Variants in DNAH5 observed in about 807,000 individuals in gnomAD.
DNAH5 encodes the protein axonemal beta dynein heavy chain 5.
In DNAH5, 372 loss-of-function variants were observed where a neutral mutation model predicts 518.2. The observed-to-expected ratio is 0.72, with a 90% CI of 0.66 to 0.78. The LOEUF is 0.78. DNAH5 is among the 30% of genes least tolerant of loss of function. The probability of loss-of-function intolerance (pLI) is 0.00; values close to 1 mark genes in which losing one functional copy is unlikely to be tolerated. For missense variants in DNAH5, 5,523 were observed against 5,687.0 expected (o/e 0.97, Z 0.93); for synonymous variants, 2,039 against 2,025.9 (o/e 1.01, Z -0.17).
At chr5:13,763,180 G>T (rs1286129186) in intron 59 of DNAH5, among the ~76,000 whole-genome samples, 3 of 152,096 alleles carry the variant, frequency 2.0e-5, no homozygotes, top group Non-Finnish European at 4.4e-5. Context: ...AAATTATTTA[G>T]GTGATGAACA....
intron 47 of DNAH5, among the ~76,000 whole-genome samples, chr5:13,800,930 TCCTTA>T (rs1200873388): frequency 1.3e-5 from 2 of 152,228 alleles, no homozygotes; most frequent in African/African-American, 4.8e-5. Context: ...CACCTTGTTT[TCCTTA>T]CTTTACTCAT....
At chr5:13,764,099 T>C (rs994347334) in intron 59 of DNAH5, among the ~76,000 whole-genome samples, 6 of 152,108 alleles carry the variant, frequency 3.9e-5, no homozygotes, top group Non-Finnish European at 5.9e-5. Flanking sequence ...ACTTGGGAAA[T>C]AGAGGTGGAC....
In DNAH5 at chr5:13,867,781, T is replaced by C. The variant is rs374327282; in HGVS notation, c.4046A>G (p.Tyr1349Cys). ...LQDCHQFYLD[Y>C]DLNGPMASGL... Reference sequence around the variant, plus strand: ...AGAAAGCCAGAGACATACCAAATCATAGTCCAGATAAAACTGGTGACAATC... The same window carrying C: ...AGAAAGCCAGAGACATACCAAATCACAGTCCAGATAAAACTGGTGACAATC... Residue 1349 changes from tyrosine to cysteine, a missense_variant, in exon 25 of 79, where the codon TAT becomes TGT. By Grantham distance (194) the Tyr-to-Cys change is radical. Transcript: ENST00000265104. 13 of 1,612,932 alleles carry C rather than the reference T, an allele frequency of 8.1e-6. No individual in the cohort carries two copies. Among genetic ancestry groups the C allele is most frequent in the African/African-American group, 5.3e-5 (4 of 74,892 alleles).
chr5:13,701,100 T>C (rs974508187), intron 77 of DNAH5, among the ~76,000 whole-genome samples, 184 bp downstream of exon 77: 1 of 152,072 alleles, frequency 6.6e-6, no homozygotes, highest in African/African-American at 2.4e-5. Context: ...GAAATAAATA[T>C]TTTGAAAGTC....
intron 3 of DNAH5, 37 bp from the exon 4 acceptor site, chr5:13,923,477 T>G (rs1423264299): frequency 2.2e-5 from 36 of 1,612,026 alleles, no homozygotes; most frequent in Non-Finnish European, 3.0e-5. Context: ...CACAAATGCT[T>G]TTTGCAGTCC....
intron 47 of DNAH5, among the ~76,000 whole-genome samples, chr5:13,804,204 G>T (rs1232083098): frequency 1.3e-5 from 2 of 152,166 alleles, no homozygotes; most frequent in Non-Finnish European, 2.9e-5. Context: ...CCAAACTTTT[G>T]ATAGTGGCAA....
intron 53 of DNAH5, among the ~76,000 whole-genome samples, chr5:13,779,877 A>G (rs1754834146): frequency 6.6e-6 from 1 of 152,104 alleles, no homozygotes; most frequent in African/African-American, 2.4e-5. Flanking sequence ...GCTTGCCCAG[A>G]CCCCTGAGAC....
At chr5:13,712,839 T>A (rs1579861226) in intron 75 of DNAH5, among the ~76,000 whole-genome samples, 1 of 152,108 alleles carries the variant, frequency 6.6e-6, no homozygotes, top group African/African-American at 2.4e-5. Flanking sequence ...TTGGCATGGA[T>A]GCAGTGATCA....
intron 75 of DNAH5, among the ~76,000 whole-genome samples, chr5:13,712,385 A>G (rs376339782): frequency 8.2e-4 from 125 of 152,336 alleles, no homozygotes; most frequent in African/African-American, 3.0e-3. Flanking sequence ...TAACATTGGA[A>G]AAACCCTTCT....
chr5:13,878,192 T>A (rs1018850416), intron 21 of DNAH5, among the ~76,000 whole-genome samples: 1 of 152,178 alleles, frequency 6.6e-6, no homozygotes, highest in Non-Finnish European at 1.5e-5. Flanking sequence ...GTTAATGCTA[T>A]GCACTGAGTG....
intron 59 of DNAH5, among the ~76,000 whole-genome samples, chr5:13,764,057 A>G (rs1752158513): frequency 6.6e-6 from 1 of 152,240 alleles, no homozygotes; most frequent in East Asian, 1.9e-4. Flanking sequence ...TGCTGAATTG[A>G]AAACCAAAAG....
At position 13,716,516 on chromosome 5, in the gene DNAH5, T is replaced by C. The variant is rs765649176; in HGVS notation, c.12880A>G (p.Thr4294Ala). Residue 4294 changes from threonine to alanine, a missense_variant, in exon 74 of 79, where the codon ACA becomes GCA. Physicochemically the swap from Thr to Ala is moderately conservative, Grantham distance 58 (BLOSUM62 0). Around this residue, in one of 3 missense-constraint regions of DNAH5, gnomAD observed 387 missense variants for 430.0 expected, o/e 0.90. Coordinates refer to ENST00000265104, the MANE Select transcript of DNAH5 (RefSeq NM_001369.3). ...ATATACTGAAGATAGTTATCCACTG[T>C]GCTGCATTTTGGAATATTGTATCCT... The part of the protein sequence containing the change: ...YQGYNIPKCS[T>A]VDNYLQYIQS... The C allele has an allele frequency of 1.9e-5, 30 of 1,613,740 alleles. No individual in the cohort carries two copies. The highest frequency in any genetic ancestry group is 2.3e-5 in the Non-Finnish European group (27 of 1,179,806).
At chr5:13,863,810 C>A (rs1312530098) in intron 28 of DNAH5, among the ~76,000 whole-genome samples, 1 of 152,212 alleles carries the variant, frequency 6.6e-6, no homozygotes, top group Non-Finnish European at 1.5e-5. Context: ...CCAGCTGGTG[C>A]CCATTGCTCG....
chr5:13,721,233 T>C lies in DNAH5; in HGVS notation c.12046A>G (p.Ile4016Val), dbSNP rs144287016. Residue 4016 changes from isoleucine (I) to valine (V), a missense_variant, in exon 71 of 79, where the codon ATC becomes GTC. Physicochemically the swap from Ile to Val is conservative, Grantham distance 29 (BLOSUM62 3). Transcript: ENST00000265104. ...TATTTTTCTCCCATGGAGTCCACGA[T>C]GTACTTGCGGGCCTGCCAAAAACAG... Reference protein sequence around the residue: ...DRTIAQARKYIVDSMGEKYAE... With the variant: ...DRTIAQARKYVVDSMGEKYAE... 2 of 1,614,028 alleles carry C rather than the reference T, an allele frequency of 1.2e-6. No individual in the cohort carries two copies. The highest frequency in any genetic ancestry group is 1.6e-4 in the Middle Eastern group (1 of 6,084).
intron 3 of DNAH5, among the ~76,000 whole-genome samples, chr5:13,926,560 G>A (rs370313048): frequency 5.3e-5 from 8 of 152,278 alleles, no homozygotes; most frequent in South Asian, 2.1e-4. Flanking sequence ...AGAATATTTC[G>A]CTTTCCATCA....
chr5:13,735,024 T>A, intron 68 of DNAH5, 107 bp downstream of exon 68: 1 of 967,564 alleles, frequency 1.0e-6, no homozygotes, highest in Non-Finnish European at 1.6e-6. Flanking sequence ...AATGCAGTCT[T>A]ACATAATGCA....
chr5:13,905,296 T>C (rs4701999), intron 12 of DNAH5, among the ~76,000 whole-genome samples: 118,522 of 152,112 alleles, frequency 0.78, 46,400 homozygotes, highest in East Asian at 0.96. Context: ...GCCCTGAGGG[T>C]TCTGCTCCCA....
At position 13,810,137 on chromosome 5, in the gene DNAH5, G is replaced by C. The variant is rs564040169; in HGVS notation, c.7531C>G (p.Arg2511Gly). ...RRRLELWLRSRPTGTLELPPP... is the reference protein window; with the variant it reads ...RRRLELWLRSGPTGTLELPPP... ...GGCAGCTCCAGCGTCCCTGTGGGCCGAGAGCGCAGCCAGAGCTCCAGGCGG... is the reference window on the plus strand; with the variant it reads ...GGCAGCTCCAGCGTCCCTGTGGGCCCAGAGCGCAGCCAGAGCTCCAGGCGG... The change falls in exon 45 of 79, where the codon CGG (arginine) becomes GGG (glycine). Residue 2511 changes from arginine to glycine, a missense_variant. Physicochemically the swap from Arg to Gly is moderately radical, Grantham distance 125 (BLOSUM62 -2). This residue lies in a region of DNAH5 where 5,121 missense variants were observed against 5,223.3 expected (regional missense o/e 0.98). Transcript: ENST00000265104. The C allele has an allele frequency of 5.8e-6, 9 of 1,549,318 alleles. No homozygotes were observed. The highest frequency in any genetic ancestry group is 7.9e-6 in the Non-Finnish European group (9 of 1,146,358).
In DNAH5 at chr5:13,928,105, T is replaced by C; in HGVS notation, c.266A>G (p.Glu89Gly). ...HLMFYYQDVE[E>G]AETGQLGSLG... The stretch of plus-strand genomic sequence containing the variant: ...TCAAATTCAGATACCTGTTTCTGCT[T>C]CCTCCACATCTTGATAGTAAAACAT... Residue 89 changes from glutamate to glycine, a missense_variant, in exon 3 of 79, where the codon GAA becomes GGA. Physicochemically the swap from Glu to Gly is moderately conservative, Grantham distance 98 (BLOSUM62 -2). Coordinates refer to ENST00000265104, the MANE Select transcript of DNAH5 (RefSeq NM_001369.3). The C allele has an allele frequency of 1.2e-6, 2 of 1,613,456 alleles. No individual in the cohort carries two copies. Among genetic ancestry groups the C allele is most frequent in the Non-Finnish European group, 1.7e-6 (2 of 1,179,392 alleles).
Sources: gnomAD v4.1 joint callset for allele counts (sites outside exome capture counted in the v4.1 genomes callset) on GRCh38, gnomAD v4.1.1 for gene constraint, gnomAD v4.1.1 regional missense constraint, MANE v1.5 for transcripts, NCBI Gene and HGNC (gene_info 2026-07-23, HGNC 2026-07-21) for gene names.